Variants in SMOC1 observed in about 807,000 individuals in gnomAD.
SMOC1 encodes SPARC-related modular calcium-binding protein 1.
SMOC1 carries 22 observed loss-of-function variants against 56.3 expected under a neutral mutation model. That is an observed-to-expected ratio of 0.39 (90% CI 0.28 to 0.56). The LOEUF is 0.56. Ranked by LOEUF, SMOC1 falls within the 20% of genes least tolerant of loss-of-function variation. SMOC1 has a pLI of 0.61. For missense variants in SMOC1, 509 were observed against 565.4 expected (o/e 0.90, Z 1.01); for synonymous variants, 193 against 215.0 (o/e 0.90, Z 0.89).
rs1300069900 is a variant in SMOC1, at chr14:70,025,317, A to G, written c.1291+1870A>G. 2.0e-5 allele frequency among the ~76,000 whole-genome samples: 3 copies of G among 152,174 alleles called. No homozygotes were observed. In the East Asian group the frequency reaches 5.8e-4, roughly 29 times the overall value. ...CTTTTCCTTGTTCCTCAGTTGTCAG[A>G]GTAAACCCAAAGAATAGCATGGGAA... is the stretch of plus-strand genomic sequence containing the variant. On this transcript the variant is annotated intron_variant, in intron 11 of 11. Coordinates refer to ENST00000361956, the MANE Select transcript of SMOC1 (RefSeq NM_001034852.3).
chr14:69,886,608 C>G (rs534119970), intron 1 of SMOC1, among the ~76,000 whole-genome samples: 1 of 152,312 alleles, frequency 6.6e-6, no homozygotes, highest in South Asian at 2.1e-4. Context: ...TATAGCTCCT[C>G]CCCAGTCCTT....
intron 1 of SMOC1, among the ~76,000 whole-genome samples, chr14:69,888,604 C>T (rs575527724): frequency 6.6e-6 from 1 of 152,200 alleles, no homozygotes; most frequent in Non-Finnish European, 1.5e-5. Flanking sequence ...AACAACTACG[C>T]CTCGCCTCCT....
At chr14:70,009,079 T>G (rs1343327049) in intron 7 of SMOC1, among the ~76,000 whole-genome samples, 1 of 152,248 alleles carries the variant, frequency 6.6e-6, no homozygotes, top group African/African-American at 2.4e-5. Flanking sequence ...TAAACTCCTC[T>G]TCCTCTAGCC....
chr14:69,941,066 T>G (rs61980653), intron 1 of SMOC1, among the ~76,000 whole-genome samples: 7,231 of 152,246 alleles, frequency 0.047, 225 homozygotes, highest in Non-Finnish European at 0.073. Flanking sequence ...ACTCCACTCA[T>G]GCAAAGAAGT....
chr14:69,952,109 C>T, intron 1 of SMOC1, 29 bp from the exon 2 acceptor site: 1 of 1,613,864 alleles, frequency 6.2e-7, no homozygotes. Context: ...AAAGTAACCT[C>T]TGTACCCTTT....
At chr14:69,994,755 C>T (rs573067086) in intron 7 of SMOC1, among the ~76,000 whole-genome samples, 92 of 152,240 alleles carry the variant, frequency 6.0e-4, no homozygotes, top group African/African-American at 2.1e-3. Flanking sequence ...TTCCATATGC[C>T]ATGCAGAAGA....
chr14:69,893,679 A>G (rs1418255393), intron 1 of SMOC1, among the ~76,000 whole-genome samples: 1 of 152,226 alleles, frequency 6.6e-6, no homozygotes, highest in Non-Finnish European at 1.5e-5. Context: ...ATGCATTTTG[A>G]ACTGGCTTAT....
chr14:69,968,457 T>C (rs1168107622), intron 3 of SMOC1, among the ~76,000 whole-genome samples: 1 of 152,150 alleles, frequency 6.6e-6, no homozygotes, highest in East Asian at 1.9e-4. Context: ...CCATCTCAGG[T>C]GATCAGTCTT....
chr14:69,925,932 C>A (rs1284747098), intron 1 of SMOC1, among the ~76,000 whole-genome samples: 4 of 152,170 alleles, frequency 2.6e-5, no homozygotes, highest in African/African-American at 9.7e-5. Context: ...ACTGCGCACA[C>A]CCTGGAGAGG....
intron 1 of SMOC1, among the ~76,000 whole-genome samples, chr14:69,902,817 GC>G (rs1884284231): frequency 1.3e-5 from 2 of 152,262 alleles, no homozygotes; most frequent in East Asian, 3.9e-4. Flanking sequence ...ACGGGGTTTC[GC>G]TGTGTTGGCC....
rs200226870 is a variant in SMOC1, at chr14:70,011,447, A to G, written c.858-38A>G. 37 of 1,447,344 alleles carry G rather than the reference A, an allele frequency of 2.6e-5. No homozygotes were observed. In the East Asian group the frequency reaches 8.1e-4, roughly 32 times the overall value. 89.7% of individuals were successfully genotyped at this position (1,447,344 alleles called of 1,614,324 possible). A position where few individuals can be genotyped will look rare whatever the true frequency, so the allele number is the denominator to read the frequency against. ...AGTGACTGAAGTAGGCTCAGTTGCC[A>G]GCCCCTCCCAACCCCCCCCATATCT... is the stretch of plus-strand genomic sequence containing the variant. On this transcript the variant is annotated intron_variant, in intron 8 of 11. Transcript: ENST00000361956.
In SMOC1 at chr14:69,952,268, C is replaced by A; in HGVS notation, c.230C>A (p.Pro77Gln). 1.9e-6 allele frequency: 3 copies of A among 1,614,152 alleles called. No homozygotes were observed. The highest frequency in any genetic ancestry group is 2.5e-6 in the Non-Finnish European group (3 of 1,180,026). ...TACCAGCGAGCCAAGTGCCGAGACC[C>A]GACCCTGGGCGTGGTGCATCGAGGT... ...CEYQRAKCRD[P>Q]TLGVVHRGRC... Residue 77 changes from proline to glutamine, a missense_variant, in exon 2 of 12, where the codon CCG becomes CAG. By Grantham distance (76) the Pro-to-Gln change is moderately conservative. Coordinates refer to ENST00000361956, the MANE Select transcript of SMOC1 (RefSeq NM_001034852.3).
rs1883096744 is a variant in SMOC1 at position 69,953,925 on chromosome 14, CT to C, written c.378+394del. On this transcript the variant is annotated intron_variant, in intron 3 of 11. Coordinates refer to ENST00000361956, the MANE Select transcript of SMOC1 (RefSeq NM_001034852.3). ...TCCCTTCCCTGTTTTTTGCTACCCC[CT>C]GCCCTCCCTGCTTTCTATCCCCAGT... Among the ~76,000 whole-genome samples the C allele has an allele frequency of 2.6e-5, 4 of 152,240 alleles. No homozygotes were observed. In the South Asian group the frequency reaches 8.3e-4, roughly 32 times the overall value.
Position 69,914,250 on chromosome 14 carries a change from T to C in SMOC1, c.99+34473T>C, listed in dbSNP as rs547994969. On this transcript the variant is annotated intron_variant, in intron 1 of 11. Transcript: ENST00000361956. Reference sequence around the variant, plus strand: ...AACTTTTTCTGGAGCAGATGGTAAATATTTTAGGCTTTGTGGGGTATAGGG... The same window carrying C: ...AACTTTTTCTGGAGCAGATGGTAAACATTTTAGGCTTTGTGGGGTATAGGG... Among the ~76,000 whole-genome samples the C allele has an allele frequency of 2.0e-5, 3 of 152,284 alleles. No individual in the cohort carries two copies. The South Asian group carries it at 6.2e-4, about 32-fold the overall frequency.
chr14:70,028,647 C>G (rs1886020090), intron 11 of SMOC1, among the ~76,000 whole-genome samples: 1 of 152,174 alleles, frequency 6.6e-6, no homozygotes, highest in Admixed American at 6.5e-5. Context: ...CTGTGCACCT[C>G]CTTTTTAGAT....
chr14:69,983,495 C>T (rs750478393), intron 5 of SMOC1, among the ~76,000 whole-genome samples: 14 of 152,188 alleles, frequency 9.2e-5, no homozygotes, highest in Admixed American at 2.0e-4. Context: ...AAACCTCCAG[C>T]GGAGCAGCAG....
At chr14:69,884,923 G>A (rs765035561) in intron 1 of SMOC1, among the ~76,000 whole-genome samples, 1 of 151,854 alleles carries the variant, frequency 6.6e-6, no homozygotes, top group Non-Finnish European at 1.5e-5. Context: ...AGGGTCTTTT[G>A]TGGTTCTACA....
chr14:69,944,304 C>A (rs1434287472), intron 1 of SMOC1, among the ~76,000 whole-genome samples: 1 of 152,190 alleles, frequency 6.6e-6, no homozygotes, highest in East Asian at 1.9e-4. Flanking sequence ...AGCATTTACC[C>A]CGGAATTGGA....
At chr14:70,000,200 C>CA (rs1884916124) in intron 7 of SMOC1, among the ~76,000 whole-genome samples, 1 of 152,196 alleles carries the variant, frequency 6.6e-6, no homozygotes, top group African/African-American at 2.4e-5. Flanking sequence ...CTCACACAGG[C>CA]AACACTCATG....
Sources: allele counts gnomAD v4.1 joint callset (sites outside exome capture counted in the v4.1 genomes callset), GRCh38; gene constraint gnomAD v4.1.1; transcripts MANE v1.5; gene names NCBI Gene and HGNC (gene_info 2026-07-23, HGNC 2026-07-21).